The following NFIL3 variants were observed in gnomAD, a reference collection of about 807,000 sequenced individuals.
NFIL3 encodes the protein nuclear factor, interleukin 3 regulated, also known as nuclear factor interleukin-3-regulated protein.
NFIL3 carries 5 observed loss-of-function variants against 10.0 expected under a neutral mutation model. That is an observed-to-expected ratio of 0.50 (90% CI 0.26 to 1.06). NFIL3 has a LOEUF of 1.06. Ranked by LOEUF, NFIL3 falls within the 50% of genes least tolerant of loss-of-function variation. NFIL3 has a pLI of 0.13. For synonymous variants in NFIL3, 202 were observed against 206.5 expected (o/e 0.98, Z 0.19); for missense variants, 436 against 547.6 (o/e 0.80, Z 2.03).
the NFIL3 span, among the ~76,000 whole-genome samples, chr9:91,430,256 A>T: frequency 1.1e-4 from 16 of 152,334 alleles, 1 homozygote; most frequent in African/African-American, 3.6e-4. Context: ...TCTACAAGAA[A>T]GAATAACAGA....
chr9:91,411,198 G>A (rs1350244234), intron 1 of NFIL3, among the ~76,000 whole-genome samples: 1 of 152,242 alleles, frequency 6.6e-6, no homozygotes, highest in Non-Finnish European at 1.5e-5. Context: ...AGTAGAGGAA[G>A]GCTGTATTTA....
At chr9:91,416,362 G>A (rs1268899429) in intron 1 of NFIL3, among the ~76,000 whole-genome samples, 1 of 152,100 alleles carries the variant, frequency 6.6e-6, no homozygotes, top group Non-Finnish European at 1.5e-5. Context: ...AAATGCAAAA[G>A]TAGTTTACGA....
At chr9:91,444,501 T>C in the NFIL3 span, among the ~76,000 whole-genome samples, 1 of 152,196 alleles carries the variant, frequency 6.6e-6, no homozygotes, top group Non-Finnish European at 1.5e-5. Context: ...TCCTTCGTTT[T>C]TTGTGTTTCT....
At chr9:91,420,068 T>C (rs553955953) in intron 1 of NFIL3, among the ~76,000 whole-genome samples, 1 of 152,232 alleles carries the variant, frequency 6.6e-6, no homozygotes, top group African/African-American at 2.4e-5. Flanking sequence ...GCTATTAATA[T>C]GGCAATTGTC....
the NFIL3 span, among the ~76,000 whole-genome samples, chr9:91,462,249 T>C: frequency 6.6e-6 from 1 of 152,156 alleles, no homozygotes; most frequent in African/African-American, 2.4e-5. Flanking sequence ...AATACAATGT[T>C]AAATAGAAGT....
At chr9:91,411,824 G>A (rs1302857315) in intron 1 of NFIL3, among the ~76,000 whole-genome samples, 3 of 151,954 alleles carry the variant, frequency 2.0e-5, no homozygotes, top group Admixed American at 2.0e-4. Flanking sequence ...GTTACTAGGC[G>A]GGGCACGGTG....
chr9:91,467,282 G>C, the NFIL3 span, among the ~76,000 whole-genome samples: 1 of 152,014 alleles, frequency 6.6e-6, no homozygotes, highest in African/African-American at 2.4e-5. Flanking sequence ...TGTATATGAT[G>C]TATGTGTGCA....
At chr9:91,438,662 A>T in the NFIL3 span, among the ~76,000 whole-genome samples, 4 of 152,118 alleles carry the variant, frequency 2.6e-5, no homozygotes, top group Non-Finnish European at 4.4e-5. Flanking sequence ...TAGGTATCTT[A>T]TCCATTTTGA....
At chr9:91,482,168 T>C in the NFIL3 span, among the ~76,000 whole-genome samples, 4 of 152,124 alleles carry the variant, frequency 2.6e-5, no homozygotes, top group Admixed American at 1.3e-4. Context: ...ATCTACTCTA[T>C]AAAAATAAAA....
upstream of NFIL3, among the ~76,000 whole-genome samples, chr9:91,427,957 C>G (rs1833888040): frequency 6.6e-6 from 1 of 152,066 alleles, no homozygotes; most frequent in Admixed American, 6.5e-5. Flanking sequence ...GTTTTGTTTT[C>G]AAGTGGAGGC....
the NFIL3 span, among the ~76,000 whole-genome samples, chr9:91,444,924 A>G: frequency 2.0e-5 from 3 of 152,154 alleles, 1 homozygote; most frequent in Admixed American, 6.6e-5. Flanking sequence ...TCCAGGGCCC[A>G]GGTGCTCTGA....
chr9:91,436,742 C>G, the NFIL3 span, among the ~76,000 whole-genome samples: 1 of 152,176 alleles, frequency 6.6e-6, no homozygotes, highest in Admixed American at 6.5e-5. Flanking sequence ...TTCAACTTCT[C>G]TGATTGGAGA....
chr9:91,438,109 A>C, the NFIL3 span, among the ~76,000 whole-genome samples: 116 of 152,328 alleles, frequency 7.6e-4, no homozygotes, highest in African/African-American at 2.7e-3. Context: ...TGGCTGCACC[A>C]AACTACATTT....
At chr9:91,454,661 G>C in the NFIL3 span, among the ~76,000 whole-genome samples, 1 of 151,892 alleles carries the variant, frequency 6.6e-6, no homozygotes, top group Non-Finnish European at 1.5e-5. Context: ...GTGAAACCCC[G>C]TCTCCACTAA....
At chr9:91,474,520 G>A in the NFIL3 span, among the ~76,000 whole-genome samples, 4 of 152,102 alleles carry the variant, frequency 2.6e-5, no homozygotes, top group Admixed American at 2.6e-4. Context: ...TGGGGCAATG[G>A]TTTGGCCTGT....
the NFIL3 span, among the ~76,000 whole-genome samples, chr9:91,456,436 T>C: frequency 3.9e-5 from 6 of 152,178 alleles, no homozygotes; most frequent in African/African-American, 7.2e-5. Flanking sequence ...AATAGCTATA[T>C]TATGGTATCT....
At chr9:91,415,938 C>T (rs1046875606) in intron 1 of NFIL3, among the ~76,000 whole-genome samples, 4 of 152,190 alleles carry the variant, frequency 2.6e-5, no homozygotes, top group African/African-American at 9.7e-5. Context: ...CTTAACTTCT[C>T]TTAGATGCTG....
At chr9:91,417,869 C>T (rs948855323) in intron 1 of NFIL3, among the ~76,000 whole-genome samples, 12 of 152,124 alleles carry the variant, frequency 7.9e-5, no homozygotes, top group African/African-American at 2.7e-4. Context: ...ACAAATTGAC[C>T]TACTTTTTCT....
At chr9:91,436,604 CAACAACAACAACAACAAA>C in the NFIL3 span, among the ~76,000 whole-genome samples, 8 of 151,058 alleles carry the variant, frequency 5.3e-5, no homozygotes, top group African/African-American at 1.7e-4. Context: ...ACAACAACAA[CAACAACAACAACAACAAA>C]GAGTTGAAGG....
Sources: allele counts gnomAD v4.1 joint callset (sites outside exome capture counted in the v4.1 genomes callset), GRCh38; gene constraint gnomAD v4.1.1; transcripts MANE v1.5; gene names NCBI Gene and HGNC (gene_info 2026-07-23, HGNC 2026-07-21).